Variants in PLA2G5 observed in about 807,000 individuals in gnomAD.
PLA2G5 encodes Ca2+-dependent phospholipase A2.
PLA2G5 carries 12 observed loss-of-function variants against 15.9 expected under a neutral mutation model. The ratio of observed to expected loss-of-function variants is 0.76; its 90% CI spans 0.48 to 1.23. The LOEUF is 1.23. Ranked by LOEUF, PLA2G5 falls within the 50% of genes most tolerant of loss-of-function variation. The pLI, the probability that PLA2G5 is intolerant of heterozygous loss-of-function variation, is 0.00. For missense variants in PLA2G5, 169 were observed against 177.1 expected (o/e 0.95, Z 0.26); for synonymous variants, 71 against 71.4 (o/e 0.99, Z 0.03).
chr1:20,039,421 A>G (rs1042913121), intron 1 of PLA2G5, among the ~76,000 whole-genome samples: 8 of 152,198 alleles, frequency 5.3e-5, no homozygotes, highest in Non-Finnish European at 1.2e-4. Flanking sequence ...CATAGAGGAC[A>G]AAACAAGGAT....
chr1:20,067,670 A>T (rs1004716980), upstream of PLA2G5, among the ~76,000 whole-genome samples: 2 of 150,834 alleles, frequency 1.3e-5, no homozygotes, highest in Admixed American at 1.3e-4. Context: ...CCTGGGCGAC[A>T]GAGTGAGACT....
intron 3 of PLA2G5, among the ~76,000 whole-genome samples, chr1:20,087,306 G>A (rs1432009972): frequency 6.6e-6 from 1 of 152,140 alleles, no homozygotes; most frequent in African/African-American, 2.4e-5. Flanking sequence ...CCTCGGACTG[G>A]TTCCAGGACC....
At chr1:20,080,730 G>T (rs531834892) in intron 1 of PLA2G5, among the ~76,000 whole-genome samples, 1 of 151,888 alleles carries the variant, frequency 6.6e-6, no homozygotes, top group South Asian at 2.1e-4. Context: ...AGGTGACAGA[G>T]AGGTCTTTAA....
In PLA2G5 at chr1:20,091,272, G is replaced by A. The variant is rs11573291; in HGVS notation, c.*580G>A. On this transcript the variant is annotated 3_prime_UTR_variant, in exon 5 of 5. Coordinates refer to ENST00000375108, the MANE Select transcript of PLA2G5 (RefSeq NM_000929.3). ...TCTACATTATCTCCGAAACAGAAGG[G>A]AAGATTAGTAAATGCAGGGTTTTCT... 0.034 allele frequency: 5,222 copies of A among 152,426 alleles called. 133 individuals carry two copies. The highest frequency in any genetic ancestry group is 0.071 in the Middle Eastern group (21 of 294). The allele number at this position is 152,426 out of a possible 1,614,324, so 9.4% of individuals were successfully genotyped here.
chr1:20,043,764 C>T (rs1048625192), intron 1 of PLA2G5, among the ~76,000 whole-genome samples: 9 of 152,122 alleles, frequency 5.9e-5, no homozygotes, highest in Non-Finnish European at 8.8e-5. Flanking sequence ...GAAGCTTGGC[C>T]GTCAATACCC....
chr1:20,089,667 G>C (rs1293535213), intron 3 of PLA2G5, 122 bp from the exon 4 acceptor site: 2 of 702,562 alleles, frequency 2.8e-6, no homozygotes, highest in African/African-American at 3.5e-5. Flanking sequence ...GATCCTCCCT[G>C]CCACATCGCG....
intron 2 of PLA2G5, among the ~76,000 whole-genome samples, chr1:20,062,534 C>A (rs537812797): frequency 4.5e-4 from 69 of 152,306 alleles, no homozygotes; most frequent in African/African-American, 1.5e-3. Context: ...CAGCTCATGC[C>A]TGTAATCCTA....
chr1:20,078,370 C>CT (rs1201455669), intron 1 of PLA2G5, among the ~76,000 whole-genome samples: 3 of 150,470 alleles, frequency 2.0e-5, no homozygotes, highest in Non-Finnish European at 3.0e-5. Context: ...ATTTTTTTTT[C>CT]TTTTTTGTGG....
intron 1 of PLA2G5, among the ~76,000 whole-genome samples, chr1:20,035,948 C>A (rs560765116): frequency 6.6e-6 from 1 of 152,186 alleles, no homozygotes; most frequent in Admixed American, 6.5e-5. Flanking sequence ...GGCAAATTCT[C>A]TCAGCATTTG....
intron 1 of PLA2G5, among the ~76,000 whole-genome samples, chr1:20,038,909 C>A (rs1049845522): frequency 6.6e-6 from 1 of 152,210 alleles, no homozygotes; most frequent in Non-Finnish European, 1.5e-5. Flanking sequence ...TCCTCCTATT[C>A]TCATTTTCCC....
chr1:20,067,323 G>T (rs2015088244), upstream of PLA2G5, among the ~76,000 whole-genome samples: 1 of 152,084 alleles, frequency 6.6e-6, no homozygotes, highest in African/African-American at 2.4e-5. Context: ...TGGAAAAAAA[G>T]AATAACCAAA....
intron 1 of PLA2G5, among the ~76,000 whole-genome samples, chr1:20,044,862 A>C (rs1433346786): frequency 6.6e-6 from 1 of 151,894 alleles, no homozygotes; most frequent in Non-Finnish European, 1.5e-5. Context: ...GAAAAGGAAG[A>C]TAGAAAAGAC....
chr1:20,055,936 T>C (rs2014409108), intron 1 of PLA2G5, among the ~76,000 whole-genome samples: 1 of 152,140 alleles, frequency 6.6e-6, no homozygotes, highest in Non-Finnish European at 1.5e-5. Flanking sequence ...TCTAGGAAGA[T>C]GACATTTTAT....
chr1:20,081,300 C>T (rs2016006573), intron 1 of PLA2G5, among the ~76,000 whole-genome samples: 1 of 151,912 alleles, frequency 6.6e-6, no homozygotes, highest in African/African-American at 2.4e-5. Context: ...GGCAGCCACT[C>T]CATGCCTCTG....
upstream of PLA2G5, among the ~76,000 whole-genome samples, chr1:20,068,709 C>G (rs940492281): frequency 6.6e-6 from 1 of 152,082 alleles, no homozygotes; most frequent in East Asian, 1.9e-4. Context: ...CCTCGGCCTC[C>G]CAAAGTGCTG....
intron 2 of PLA2G5, among the ~76,000 whole-genome samples, chr1:20,061,463 G>T (rs2014725474): frequency 6.6e-6 from 1 of 151,884 alleles, no homozygotes; most frequent in Non-Finnish European, 1.5e-5. Flanking sequence ...GCACACATCT[G>T]TAGTCCCAAC....
At chr1:20,040,524 G>T (rs2013528862) in intron 1 of PLA2G5, among the ~76,000 whole-genome samples, 1 of 151,508 alleles carries the variant, frequency 6.6e-6, no homozygotes, top group South Asian at 2.1e-4. Context: ...CAAATATCTG[G>T]GAACTAAGAG....
In PLA2G5 at chr1:20,090,728, T is replaced by G. The variant is rs1026777143; in HGVS notation, c.*36T>G. 2 of 1,611,518 alleles carry G rather than the reference T, an allele frequency of 1.2e-6. No homozygotes were observed. The highest frequency in any genetic ancestry group is 1.3e-5 in the African/African-American group (1 of 74,994). ...CGAGCTCCTCCCAGACCAAGACTTT[T>G]GTTCTGTTTTTCTACAACACAGAGT... is the stretch of plus-strand genomic sequence containing the variant. On this transcript the variant is annotated 3_prime_UTR_variant, in exon 5 of 5. Transcript: ENST00000375108.
At chr1:20,073,438 C>T (rs578164659) in intron 1 of PLA2G5, among the ~76,000 whole-genome samples, 6 of 152,332 alleles carry the variant, frequency 3.9e-5, no homozygotes, top group Non-Finnish European at 8.8e-5. Context: ...GCTAGGCTGA[C>T]ACCCAGATAG....
Sources: allele counts gnomAD v4.1 joint callset (sites outside exome capture counted in the v4.1 genomes callset), GRCh38; gene constraint gnomAD v4.1.1; transcripts MANE v1.5; gene names NCBI Gene and HGNC (gene_info 2026-07-23, HGNC 2026-07-21).